PCGF5: variants seen among roughly 807,000 people sequenced by gnomAD.
PCGF5 encodes the protein polycomb group ring finger 5.
In PCGF5, 9 loss-of-function variants were observed where a neutral mutation model predicts 44.3. The ratio of observed to expected loss-of-function variants is 0.20; its 90% CI spans 0.12 to 0.35. The LOEUF is 0.35. PCGF5 is among the 10% of genes least tolerant of loss of function. PCGF5 has a pLI of 1.00. For missense variants in PCGF5, 146 were observed against 305.3 expected, an observed-to-expected ratio of 0.48 and a Z score of 3.89; for synonymous variants, 95 against 102.5, an observed-to-expected ratio of 0.93 and a Z score of 0.44.
chr10:91,182,605 TG>T (rs1225918993), intron 1 of PCGF5, among the ~76,000 whole-genome samples: 1 of 152,218 alleles, frequency 6.6e-6, no homozygotes, highest in Non-Finnish European at 1.5e-5. Context: ...TGTTCCCTCT[TG>T]GTTCTCCAGT....
At chr10:91,186,269 C>T (rs909191233) in intron 1 of PCGF5, among the ~76,000 whole-genome samples, 1 of 152,200 alleles carries the variant, frequency 6.6e-6, no homozygotes, top group South Asian at 2.1e-4. Context: ...GTGTACCAGG[C>T]GTTCATTCAC....
chr10:91,240,842 G>A (rs1348572555), intron 3 of PCGF5, among the ~76,000 whole-genome samples: 1 of 151,578 alleles, frequency 6.6e-6, no homozygotes, highest in African/African-American at 2.4e-5. Context: ...TAGGTTACAG[G>A]TATTTTCAGT....
intron 1 of PCGF5, among the ~76,000 whole-genome samples, chr10:91,192,622 A>C (rs1218465496): frequency 6.6e-6 from 1 of 152,246 alleles, no homozygotes; most frequent in East Asian, 1.9e-4. Context: ...TCAATAAACA[A>C]AACAATGATT....
intron 6 of PCGF5, among the ~76,000 whole-genome samples, chr10:91,252,051 ACT>A (rs1302719109): frequency 2.6e-5 from 4 of 151,846 alleles, no homozygotes; most frequent in Non-Finnish European, 5.9e-5. Flanking sequence ...AGTTTAAAAC[ACT>A]CTGCTTTTAT....
At chr10:91,199,409 A>C (rs1418254244) in intron 1 of PCGF5, among the ~76,000 whole-genome samples, 1 of 152,212 alleles carries the variant, frequency 6.6e-6, no homozygotes, top group Admixed American at 6.5e-5. Flanking sequence ...ACTTGGGCCA[A>C]GATGGCCAGG....
intron 1 of PCGF5, among the ~76,000 whole-genome samples, chr10:91,213,415 A>AT (rs1279013393): frequency 6.6e-6 from 1 of 152,182 alleles, no homozygotes; most frequent in Non-Finnish European, 1.5e-5. Context: ...GTCAGATATT[A>AT]TAAGTATGTT....
At chr10:91,223,450 C>T (rs188431695) in intron 2 of PCGF5, among the ~76,000 whole-genome samples, 20 of 152,156 alleles carry the variant, frequency 1.3e-4, no homozygotes, top group African/African-American at 4.3e-4. Flanking sequence ...TTTAATGAGC[C>T]GGAGACTCTG....
chr10:91,253,990 A>G (rs944633704), intron 6 of PCGF5, among the ~76,000 whole-genome samples: 11 of 152,038 alleles, frequency 7.2e-5, no homozygotes, highest in African/African-American at 2.7e-4. Context: ...GCCTGAGGAC[A>G]TGGTCATTGT....
chr10:91,189,188 T>C (rs1306754774), intron 1 of PCGF5, among the ~76,000 whole-genome samples: 1 of 152,244 alleles, frequency 6.6e-6, no homozygotes, highest in African/African-American at 2.4e-5. Context: ...CTTCTTTGCC[T>C]GGCAAAATCT....
chr10:91,177,821 A>T (rs1230797561), intron 1 of PCGF5, among the ~76,000 whole-genome samples: 1 of 152,170 alleles, frequency 6.6e-6, no homozygotes, highest in Non-Finnish European at 1.5e-5. Context: ...TTCCTTGGCT[A>T]GGGAAGGGAA....
upstream of PCGF5, among the ~76,000 whole-genome samples, chr10:91,217,484 A>C (rs919222372): frequency 6.6e-6 from 1 of 152,216 alleles, no homozygotes; most frequent in African/African-American, 2.4e-5. Flanking sequence ...CTACCCACCC[A>C]TTGCCCAGCC....
chr10:91,269,509 A>G lies in PCGF5; in HGVS notation c.664-2129A>G, dbSNP rs1846126837. On this transcript the variant is annotated intron_variant, in intron 8 of 9. Coordinates refer to ENST00000336126, the MANE Select transcript of PCGF5 (RefSeq NM_032373.5). ...GGCTGTAGCATAATTTGATTAACAC[A>G]CCCCTTTGATGGACATTTAGATTTT... is the stretch of plus-strand genomic sequence containing the variant. Among the ~76,000 whole-genome samples, 5 of 152,012 alleles carry G rather than the reference A, an allele frequency of 3.3e-5. No homozygotes were observed. The South Asian group carries it at 1.0e-3, about 32-fold the overall frequency.
At chr10:91,165,945 T>G (rs1485009828) in intron 1 of PCGF5, among the ~76,000 whole-genome samples, 1 of 152,228 alleles carries the variant, frequency 6.6e-6, no homozygotes, top group South Asian at 2.1e-4. Flanking sequence ...AGAATGGGCT[T>G]CTAGCAGTTC....
At chr10:91,274,389 A>C (rs546067530) in intron 9 of PCGF5, among the ~76,000 whole-genome samples, 5 of 152,348 alleles carry the variant, frequency 3.3e-5, no homozygotes, top group African/African-American at 1.2e-4. Context: ...CCTTAAACAT[A>C]GACATATGAA....
intron 8 of PCGF5, among the ~76,000 whole-genome samples, chr10:91,268,807 C>A (rs568337451): frequency 6.6e-6 from 1 of 152,142 alleles, no homozygotes; most frequent in Non-Finnish European, 1.5e-5. Flanking sequence ...AGCCTGTTTT[C>A]TATGGTCCCT....
intron 2 of PCGF5, among the ~76,000 whole-genome samples, chr10:91,230,264 G>A (rs1397032104): frequency 6.6e-6 from 1 of 152,122 alleles, no homozygotes. Context: ...GAAAAAGTGT[G>A]TAACCTAAAC....
At chr10:91,208,239 G>T (rs1426635620) in intron 1 of PCGF5, among the ~76,000 whole-genome samples, 1 of 152,042 alleles carries the variant, frequency 6.6e-6, no homozygotes, top group African/African-American at 2.4e-5. Flanking sequence ...TTATTTGCTT[G>T]CTTGTTGTAA....
intron 1 of PCGF5, among the ~76,000 whole-genome samples, chr10:91,203,855 C>T (rs940601874): frequency 6.6e-6 from 1 of 151,994 alleles, no homozygotes. Context: ...AAGTTTTAAA[C>T]CTGATTGTTT....
At chr10:91,160,971 C>G (rs1374997188), upstream of PCGF5, among the ~76,000 whole-genome samples, 1 of 152,208 alleles carries the variant, frequency 6.6e-6, no homozygotes, top group Non-Finnish European at 1.5e-5. Context: ...GATTCTGAGC[C>G]CTGCCCTCTG....
Sources: allele counts gnomAD v4.1 joint callset (sites outside exome capture counted in the v4.1 genomes callset), GRCh38; gene constraint gnomAD v4.1.1; transcripts MANE v1.5; gene names NCBI Gene and HGNC (gene_info 2026-07-23, HGNC 2026-07-21).